The following CAB39 variants were observed in gnomAD, a reference collection of about 807,000 sequenced individuals.
CAB39 encodes calcium binding protein 39.
In CAB39, 8 loss-of-function variants were observed where a neutral mutation model predicts 40.0. That is an observed-to-expected ratio of 0.20 (90% CI 0.12 to 0.36). The LOEUF (loss-of-function observed/expected upper bound fraction) is 0.36. CAB39 is among the 10% of genes least tolerant of loss of function. The probability of loss-of-function intolerance (pLI) is 1.00; values close to 1 mark genes in which losing one functional copy is unlikely to be tolerated. For missense variants in CAB39, 270 were observed against 401.1 expected (o/e 0.67, Z 2.79); for synonymous variants, 156 against 141.6 (o/e 1.10, Z -0.72).
intron 1 of CAB39, among the ~76,000 whole-genome samples, chr2:230,748,132 T>C (rs750113944): frequency 6.6e-6 from 1 of 151,924 alleles, no homozygotes; most frequent in Admixed American, 6.6e-5. Context: ...CTTTTTCTTA[T>C]GTTGTTTGGT....
At chr2:230,785,376 T>G (rs1198139863) in intron 2 of CAB39, among the ~76,000 whole-genome samples, 1 of 11,516 alleles carries the variant, frequency 8.7e-5, no homozygotes, top group East Asian at 1.7e-3. Context: ...CAGGGGCGCG[T>G]GGGCAGGGGG....
intron 5 of CAB39, among the ~76,000 whole-genome samples, chr2:230,809,802 G>A (rs888575508): frequency 2.0e-5 from 3 of 152,176 alleles, no homozygotes; most frequent in Non-Finnish European, 2.9e-5. Context: ...AACTTAGGAG[G>A]AAGAAAATAG....
intron 5 of CAB39, among the ~76,000 whole-genome samples, chr2:230,806,337 C>T (rs1696193225): frequency 6.6e-6 from 1 of 152,122 alleles, no homozygotes; most frequent in African/African-American, 2.4e-5. Flanking sequence ...ACCCCCAATA[C>T]AATTAAGCAG....
chr2:230,790,759 T>C, intron 2 of CAB39, 113 bp from the exon 3 acceptor site: 1 of 867,846 alleles, frequency 1.2e-6, no homozygotes, highest in African/African-American at 1.7e-5. Context: ...TTCTTGTTCA[T>C]AGGTCCATGG....
At chr2:230,734,353 C>T (rs548302427) in intron 1 of CAB39, among the ~76,000 whole-genome samples, 1 of 152,246 alleles carries the variant, frequency 6.6e-6, no homozygotes, top group Admixed American at 6.5e-5. Flanking sequence ...AAATATGTAT[C>T]ATGGAACTTC....
intron 1 of CAB39, among the ~76,000 whole-genome samples, chr2:230,751,379 A>T (rs1267928409): frequency 1.3e-5 from 2 of 152,228 alleles, no homozygotes; most frequent in African/African-American, 4.8e-5. Context: ...GGCACTCTTG[A>T]TGCCTTAAGT....
chr2:230,805,862 C>T (rs1441405744), intron 5 of CAB39, among the ~76,000 whole-genome samples: 2 of 152,182 alleles, frequency 1.3e-5, no homozygotes, highest in South Asian at 2.1e-4. Context: ...CGAATTTCCA[C>T]GGGGCTTTCC....
chr2:230,716,366 C>T (rs925262869), intron 1 of CAB39, among the ~76,000 whole-genome samples: 1 of 152,086 alleles, frequency 6.6e-6, no homozygotes, highest in Admixed American at 6.5e-5. Context: ...TAGTTATTGC[C>T]ATACTTTCCC....
intron 1 of CAB39, chr2:230,725,066 T>C (rs1011498293): frequency 2.6e-6 from 4 of 1,515,996 alleles, no homozygotes; most frequent in Non-Finnish European, 3.6e-6. Context: ...TTTTCCTTCG[T>C]AGAGGACAGG....
At chr2:230,815,254 C>T (rs1398111404) in intron 7 of CAB39, among the ~76,000 whole-genome samples, 1 of 152,264 alleles carries the variant, frequency 6.6e-6, no homozygotes, top group Non-Finnish European at 1.5e-5. Flanking sequence ...CAGGCACAGT[C>T]CAGCCAGGCC....
chr2:230,776,408 C>T (rs1695586199), intron 2 of CAB39, among the ~76,000 whole-genome samples: 1 of 152,136 alleles, frequency 6.6e-6, no homozygotes, highest in Admixed American at 6.5e-5. Context: ...TGGTATAATC[C>T]ACAGGGCTTG....
chr2:230,782,297 T>C (rs1330186233), intron 2 of CAB39, among the ~76,000 whole-genome samples: 1 of 152,224 alleles, frequency 6.6e-6, no homozygotes, highest in East Asian at 1.9e-4. Context: ...TTTTTCAAGC[T>C]TTTTGTTTAA....
At chr2:230,752,029 A>ACCCCCCCCCCC (rs58641681) in intron 1 of CAB39, 1 of 30,746 alleles carries the variant, frequency 3.3e-5, no homozygotes, top group African/African-American at 1.0e-4. Flanking sequence ...TATTCTGACC[A>ACCCCCCCCCCC]CCCCCCCCCC....
At chr2:230,788,140 T>C (rs779854394) in intron 2 of CAB39, among the ~76,000 whole-genome samples, 42 of 152,210 alleles carry the variant, frequency 2.8e-4, no homozygotes, top group Non-Finnish European at 4.6e-4. Context: ...TCATAAATGC[T>C]TCACTTTATA....
intron 1 of CAB39, among the ~76,000 whole-genome samples, chr2:230,724,649 C>T (rs997643392): frequency 2.0e-5 from 3 of 149,460 alleles, no homozygotes; most frequent in Admixed American, 2.0e-4. Context: ...CCATTGCACT[C>T]CAGCCTGGGC....
intron 1 of CAB39, among the ~76,000 whole-genome samples, chr2:230,751,246 T>A (rs549290535): frequency 1.3e-5 from 2 of 152,228 alleles, no homozygotes; most frequent in East Asian, 3.8e-4. Context: ...CTAACACATA[T>A]GTTAGTGTAG....
At chr2:230,717,724 A>G (rs968398652) in intron 1 of CAB39, among the ~76,000 whole-genome samples, 9 of 152,150 alleles carry the variant, frequency 5.9e-5, no homozygotes, top group African/African-American at 2.2e-4. Context: ...TGCCATCTGC[A>G]TTTTTGGGGG....
At chr2:230,797,805 C>T (rs1333255035) in intron 4 of CAB39, among the ~76,000 whole-genome samples, 2 of 152,120 alleles carry the variant, frequency 1.3e-5, no homozygotes, top group South Asian at 2.1e-4. Context: ...TGGTTTTTTA[C>T]AGCACTGTCA....
intron 2 of CAB39, among the ~76,000 whole-genome samples, chr2:230,782,813 C>CTTTTTTTTTTTTTTTTTT (rs1212977897): frequency 8.6e-5 from 7 of 81,764 alleles, no homozygotes; most frequent in African/African-American, 2.5e-4. Context: ...TTCTTTCTTT[C>CTTTTTTTTTTTTTTTTTT]TTTTTTTTTT....
Sources: allele counts gnomAD v4.1 joint callset (sites outside exome capture counted in the v4.1 genomes callset), GRCh38; gene constraint gnomAD v4.1.1; transcripts MANE v1.5; gene names NCBI Gene and HGNC (gene_info 2026-07-23, HGNC 2026-07-21).